SLC24A2: variants seen among roughly 807,000 people sequenced by gnomAD.
SLC24A2 encodes the protein solute carrier family 24 member 2.
A neutral mutation model predicts 62.0 loss-of-function variants in SLC24A2; 36 were observed. That is an observed-to-expected ratio of 0.58 (90% CI 0.44 to 0.77). The LOEUF (loss-of-function observed/expected upper bound fraction) is 0.77. Among genes scored for constraint, SLC24A2 ranks in the 30% least tolerant of loss-of-function variants. SLC24A2 has a pLI of 0.00. For synonymous variants in SLC24A2, 358 were observed against 294.0 expected (o/e 1.22, Z -2.23); for missense variants, 846 against 817.9 (o/e 1.03, Z -0.42).
At chr9:19,748,850 C>A (rs1057364827) in intron 2 of SLC24A2, among the ~76,000 whole-genome samples, 1 of 151,478 alleles carries the variant, frequency 6.6e-6, no homozygotes, top group South Asian at 2.1e-4. Context: ...GATAAGCAAC[C>A]CTTCTTTGTT....
the SLC24A2 span, among the ~76,000 whole-genome samples, chr9:20,236,574 G>C: frequency 6.6e-6 from 1 of 152,170 alleles, no homozygotes; most frequent in Non-Finnish European, 1.5e-5. Flanking sequence ...TGTCATGTTT[G>C]AGAGACATAC....
chr9:20,053,307 A>G, the SLC24A2 span, among the ~76,000 whole-genome samples: 422 of 152,276 alleles, frequency 2.8e-3, 3 homozygotes, highest in African/African-American at 9.7e-3. Context: ...CTATATAACC[A>G]GAGATTTCCA....
chr9:20,265,127 G>A, the SLC24A2 span, among the ~76,000 whole-genome samples: 7 of 152,360 alleles, frequency 4.6e-5, no homozygotes, highest in African/African-American at 1.7e-4. Flanking sequence ...CCATATCAAT[G>A]GCTGCCTGCC....
chr9:20,051,690 C>T, the SLC24A2 span, among the ~76,000 whole-genome samples: 10 of 54,918 alleles, frequency 1.8e-4, no homozygotes, highest in African/African-American at 7.1e-4. Context: ...GGTGCTTGCT[C>T]CCAGCCCAAC....
At chr9:19,820,690 G>T in the SLC24A2 span, among the ~76,000 whole-genome samples, 1 of 151,950 alleles carries the variant, frequency 6.6e-6, no homozygotes, top group Non-Finnish European at 1.5e-5. Context: ...CTGTGTGTGT[G>T]TGTGTGTATT....
chr9:19,943,927 G>T, the SLC24A2 span, among the ~76,000 whole-genome samples: 1 of 152,106 alleles, frequency 6.6e-6, no homozygotes, highest in South Asian at 2.1e-4. Flanking sequence ...TGCTCTCAAG[G>T]AGCATAATTT....
the SLC24A2 span, among the ~76,000 whole-genome samples, chr9:19,968,680 G>A: frequency 2.0e-5 from 3 of 152,278 alleles, no homozygotes; most frequent in Non-Finnish European, 4.4e-5. Context: ...AGGTCACACA[G>A]CCAGCTGTGA....
chr9:20,079,248 C>A, the SLC24A2 span, among the ~76,000 whole-genome samples: 1 of 152,150 alleles, frequency 6.6e-6, no homozygotes, highest in South Asian at 2.1e-4. Context: ...GCCTTCAGAA[C>A]TCTGAGAAAA....
the SLC24A2 span, among the ~76,000 whole-genome samples, chr9:19,806,027 G>A: frequency 1.3e-5 from 2 of 151,842 alleles, no homozygotes; most frequent in Non-Finnish European, 2.9e-5. Flanking sequence ...ATTTTACTTT[G>A]ACTTTGGCTC....
chr9:19,963,802 T>G, the SLC24A2 span, among the ~76,000 whole-genome samples: 1 of 152,232 alleles, frequency 6.6e-6, no homozygotes, highest in East Asian at 1.9e-4. Flanking sequence ...ATTGTGGAAG[T>G]CAGTGTGGCG....
intron 2 of SLC24A2, among the ~76,000 whole-genome samples, chr9:19,641,488 A>G (rs1047813251): frequency 6.7e-6 from 1 of 149,738 alleles, no homozygotes; most frequent in Non-Finnish European, 1.5e-5. Flanking sequence ...ACATCTTCAC[A>G]TTTCTTGTTT....
chr9:20,291,290 C>T, the SLC24A2 span, among the ~76,000 whole-genome samples: 2 of 152,050 alleles, frequency 1.3e-5, no homozygotes, highest in Admixed American at 6.6e-5. Flanking sequence ...GGAGAACATG[C>T]TTCTGGTTGG....
At chr9:19,939,454 G>A in the SLC24A2 span, among the ~76,000 whole-genome samples, 1 of 152,138 alleles carries the variant, frequency 6.6e-6, no homozygotes, top group Non-Finnish European at 1.5e-5. Flanking sequence ...ACATAGAAAA[G>A]GTACAGTAGA....
intron 2 of SLC24A2, among the ~76,000 whole-genome samples, chr9:19,652,546 A>G (rs779921821): frequency 2.6e-5 from 4 of 152,174 alleles, no homozygotes; most frequent in Non-Finnish European, 5.9e-5. Context: ...CAAGGAATGC[A>G]GCTCAATCTC....
At chr9:20,094,648 T>A in the SLC24A2 span, among the ~76,000 whole-genome samples, 2 of 152,196 alleles carry the variant, frequency 1.3e-5, no homozygotes, top group Non-Finnish European at 2.9e-5. Flanking sequence ...CAGTTCTAGT[T>A]TCACCTTACA....
At chr9:20,125,623 A>G in the SLC24A2 span, among the ~76,000 whole-genome samples, 1 of 152,132 alleles carries the variant, frequency 6.6e-6, no homozygotes, top group East Asian at 1.9e-4. Flanking sequence ...CACTGGGCCC[A>G]GGTCAGCACT....
At chr9:19,773,362 T>C (rs1822747095) in intron 2 of SLC24A2, among the ~76,000 whole-genome samples, 1 of 152,180 alleles carries the variant, frequency 6.6e-6, no homozygotes, top group African/African-American at 2.4e-5. Context: ...AGAAACATTA[T>C]ATAAGGCTAG....
chr9:19,775,066 T>C (rs147030911), intron 2 of SLC24A2, among the ~76,000 whole-genome samples: 45 of 152,340 alleles, frequency 3.0e-4, no homozygotes, highest in South Asian at 8.3e-4. Flanking sequence ...AAGGGACTTC[T>C]TTCCAGGCTT....
chr9:19,853,065 T>A, the SLC24A2 span, among the ~76,000 whole-genome samples: 2 of 152,200 alleles, frequency 1.3e-5, no homozygotes, highest in Non-Finnish European at 2.9e-5. Flanking sequence ...GGTATTTTAT[T>A]CTCTTTGTAG....
Sources: allele counts gnomAD v4.1 joint callset (sites outside exome capture counted in the v4.1 genomes callset), GRCh38; gene constraint gnomAD v4.1.1; transcripts MANE v1.5; gene names NCBI Gene and HGNC (gene_info 2026-07-23, HGNC 2026-07-21).